HRH2: variants seen among roughly 807,000 people sequenced by gnomAD.
The protein encoded by HRH2 is histamine receptor H2.
HRH2 carries 4 observed loss-of-function variants against 20.1 expected under a neutral mutation model. The observed-to-expected ratio is 0.20, with a 90% confidence interval of 0.10 to 0.45. The LOEUF (loss-of-function observed/expected upper bound fraction) is 0.45, where lower values mean the gene tolerates loss of function less well. HRH2 is among the 20% of genes least tolerant of loss of function. The pLI is 0.99. For synonymous variants in HRH2, 197 were observed against 200.7 expected (o/e 0.98, Z 0.16); for missense variants, 250 against 461.6 (o/e 0.54, Z 4.20).
In HRH2 at chr5:175,698,678, T is replaced by C. The variant is rs77773568; in HGVS notation, c.1077-9101T>C. 2.4e-4 allele frequency among the ~76,000 whole-genome samples: 36 copies of C among 152,294 alleles called. 1 individual carries two copies. The highest frequency in any genetic ancestry group is 8.4e-4 in the African/African-American group (35 of 41,562). On this transcript the variant is annotated intron_variant, in intron 2 of 2. Coordinates refer to ENST00000636584, the MANE Select transcript of HRH2 (RefSeq NM_001367711.1). ...GTCCGAGGCTATAGCTCATGAGTGT[T>C]CAGGGATATGTGTCCCAGGAGCTCC...
intron 1 of HRH2, among the ~76,000 whole-genome samples, chr5:175,676,432 A>G (rs1165006167): frequency 6.6e-6 from 1 of 152,172 alleles, no homozygotes; most frequent in Non-Finnish European, 1.5e-5. Flanking sequence ...CTTATTAGCC[A>G]TCTCTTCCTG....
At chr5:175,699,562 G>GTTGTTTTTGTTTTTGTTT (rs1554112738) in intron 2 of HRH2, among the ~76,000 whole-genome samples, 1 of 151,904 alleles carries the variant, frequency 6.6e-6, no homozygotes, top group African/African-American at 2.4e-5. Flanking sequence ...TCTGCTGTCG[G>GTTGTTTTTGTTTTTGTTT]TTGTTTTTGT....
At position 175,658,322 on chromosome 5, in the gene HRH2, G is replaced by T. The variant is rs181284729; in HGVS notation, c.-526+167G>T. 3.4e-3 allele frequency among the ~76,000 whole-genome samples: 518 copies of T among 152,290 alleles called. 4 individuals are homozygous for T. Among genetic ancestry groups the T allele is most frequent in the African/African-American group, 0.012 (498 of 41,590 alleles). On this transcript the variant is annotated intron_variant, in intron 1 of 2. Transcript: ENST00000636584. ...CGAGCCTCGGCCCCACCGCTCCCTG[G>T]CTGTGCCTGACCTTGGGCAGGTGCC...
chr5:175,660,499 A>G (rs1030067213), intron 1 of HRH2, among the ~76,000 whole-genome samples: 1 of 152,258 alleles, frequency 6.6e-6, no homozygotes, highest in Non-Finnish European at 1.5e-5. Flanking sequence ...CTTAGAAAAA[A>G]GACTGGAAGG....
At position 175,664,659 on chromosome 5, in the gene HRH2, T is replaced by C. The variant is rs539438197; in HGVS notation, c.-526+6504T>C. 2.7e-5 allele frequency among the ~76,000 whole-genome samples: 4 copies of C among 146,988 alleles called. No homozygotes were observed. The East Asian group carries it at 7.8e-4, about 29-fold the overall frequency. On this transcript the variant is annotated intron_variant, in intron 1 of 2. Transcript: ENST00000636584. ...GTAGGCAGTGGGAGCCACGGCAGGATTTTTTTTTTCTGTCACCCAAACCGG... is the reference window on the plus strand; with the variant it reads ...GTAGGCAGTGGGAGCCACGGCAGGACTTTTTTTTTCTGTCACCCAAACCGG...
At chr5:175,698,169 C>T (rs1203649823) in intron 2 of HRH2, among the ~76,000 whole-genome samples, 2 of 152,272 alleles carry the variant, frequency 1.3e-5, no homozygotes, top group East Asian at 3.8e-4. Context: ...GTTATGCACA[C>T]ATGCAGTTTT....
At chr5:175,688,724 C>A (rs563072481) in intron 2 of HRH2, among the ~76,000 whole-genome samples, 2 of 152,302 alleles carry the variant, frequency 1.3e-5, no homozygotes, top group African/African-American at 4.8e-5. Context: ...TTGACTATCA[C>A]CCCAGTGCTA....
rs191711220 is a variant in HRH2 at position 175,708,171 on chromosome 5, C to T, written c.*200C>T. On this transcript the variant is annotated 3_prime_UTR_variant, in exon 3 of 3. Coordinates refer to ENST00000636584, the MANE Select transcript of HRH2 (RefSeq NM_001367711.1). ...TGTGCTCAGCATTCCCAGACAGGCA[C>T]GCAAGACTCCTCTGGGCCCGAGTGG... The T allele has an allele frequency of 1.6e-4, 63 of 387,646 alleles. No homozygotes were observed. In the East Asian group the frequency reaches 1.8e-3, roughly 11 times the overall value. 24.0% of individuals were successfully genotyped at this position (387,646 alleles called of 1,614,324 possible).
intron 2 of HRH2, among the ~76,000 whole-genome samples, chr5:175,684,946 C>T (rs1352682616): frequency 2.6e-5 from 4 of 152,128 alleles, no homozygotes; most frequent in Non-Finnish European, 5.9e-5. Flanking sequence ...GTAACTTAAG[C>T]AGATCTATGC....
chr5:175,659,017 G>A (rs1445759669), intron 1 of HRH2, among the ~76,000 whole-genome samples: 2 of 152,204 alleles, frequency 1.3e-5, no homozygotes, highest in Non-Finnish European at 2.9e-5. Flanking sequence ...CCTGGAGGCG[G>A]TTGCCTCTTG....
chr5:175,664,239 T>C (rs1202648878), intron 1 of HRH2, among the ~76,000 whole-genome samples: 2 of 152,180 alleles, frequency 1.3e-5, no homozygotes, highest in Non-Finnish European at 2.9e-5. Flanking sequence ...CCTGGGAGAA[T>C]GATCTAACAG....
chr5:175,675,273 G>A (rs1202055248), intron 1 of HRH2, among the ~76,000 whole-genome samples: 1 of 152,140 alleles, frequency 6.6e-6, no homozygotes, highest in Admixed American at 6.5e-5. Flanking sequence ...TTGAAATCAA[G>A]AGATATGGGG....
Position 175,683,246 on chromosome 5 carries a change from G to A in HRH2, c.13G>A (p.Gly5Ser). MAPN[G>S]TASSFCLDST... ...GTAGAGTCCCAGGATGGCACCCAAT[G>A]GCACAGCCTCTTCCTTTTGCCTGGA... Residue 5 changes from glycine to serine, a missense_variant, in exon 2 of 3, where the codon GGC becomes AGC. Physicochemically the swap from Gly to Ser is moderately conservative, Grantham distance 56. This residue lies in a region of HRH2 where 24 missense variants were observed against 22.9 expected (regional missense o/e 1.05). Coordinates refer to ENST00000636584, the MANE Select transcript of HRH2 (RefSeq NM_001367711.1). The A allele has an allele frequency of 6.2e-7, 1 of 1,613,870 alleles. No homozygotes were observed. The highest frequency in any genetic ancestry group is 1.1e-5 in the South Asian group (1 of 91,076).
At chr5:175,701,427 T>A (rs1255973197) in intron 2 of HRH2, among the ~76,000 whole-genome samples, 4 of 152,154 alleles carry the variant, frequency 2.6e-5, no homozygotes, top group African/African-American at 9.7e-5. Flanking sequence ...ACCCAAGGGC[T>A]CAAATGTCCT....
At chr5:175,662,694 T>G (rs1372036376) in intron 1 of HRH2, among the ~76,000 whole-genome samples, 2 of 152,126 alleles carry the variant, frequency 1.3e-5, no homozygotes, top group Admixed American at 1.3e-4. Context: ...ACTATAAAAG[T>G]CACCAATTCA....
chr5:175,707,767 G>A lies in HRH2; in HGVS notation c.1077-12G>A. On this transcript the variant is annotated splice_polypyrimidine_tract_variant and intron_variant, in intron 2 of 2. Coordinates refer to ENST00000636584, the MANE Select transcript of HRH2 (RefSeq NM_001367711.1). ...GGCCACCTCAGCCTGGCATGTGCTT[G>A]TGTCTCCTCAGGAAGCCAGCACTGT... 2.5e-6 allele frequency: 1 copy of A among 397,142 alleles called. No individual in the cohort carries two copies. The highest frequency in any genetic ancestry group is 4.4e-6 in the Non-Finnish European group (1 of 226,008). The allele number at this position is 397,142 out of a possible 1,614,324, so 24.6% of individuals were successfully genotyped here.
At chr5:175,685,506 AC>A in intron 2 of HRH2, 1 of 1,533,918 alleles carries the variant, frequency 6.5e-7, no homozygotes, top group African/African-American at 1.4e-5. Flanking sequence ...TCCAATTCCC[AC>A]CACATGCCAG....
chr5:175,675,281 G>T (rs987869369), intron 1 of HRH2, among the ~76,000 whole-genome samples: 5 of 152,114 alleles, frequency 3.3e-5, no homozygotes, highest in Admixed American at 2.0e-4. Flanking sequence ...AAGAGATATG[G>T]GGTCCCATAT....
intron 1 of HRH2, among the ~76,000 whole-genome samples, chr5:175,662,314 A>G (rs1253088381): frequency 6.6e-6 from 1 of 152,280 alleles, no homozygotes; most frequent in African/African-American, 2.4e-5. Context: ...ATCTGGAGCT[A>G]TTTTTGATTT....
Sources: allele counts gnomAD v4.1 joint callset (sites outside exome capture counted in the v4.1 genomes callset), GRCh38; gene constraint gnomAD v4.1.1; regional missense constraint gnomAD v4.1.1; transcripts MANE v1.5; gene names NCBI Gene and HGNC (gene_info 2026-07-23, HGNC 2026-07-21).